Variants in INTS1 observed in about 807,000 individuals in gnomAD.
INTS1 encodes the protein integrator complex subunit 1.
A neutral mutation model predicts 241.6 loss-of-function variants in INTS1; 137 were observed. The ratio of observed to expected loss-of-function variants is 0.57; its 90% confidence interval spans 0.49 to 0.65. The LOEUF (loss-of-function observed/expected upper bound fraction) is 0.65. INTS1 is among the 30% of genes least tolerant of loss of function. The pLI is 0.00. For synonymous variants in INTS1, 1,692 were observed against 1,337.8 expected (o/e 1.26, Z -5.78); for missense variants, 3,073 against 3,032.2 (o/e 1.01, Z -0.32).
intron 23 of INTS1, 23 bp from the exon 24 acceptor site, chr7:1,485,225 C>G: frequency 6.3e-7 from 1 of 1,598,488 alleles, no homozygotes; most frequent in South Asian, 1.1e-5. Flanking sequence ...GTGGTCTGAG[C>G]GGCAACAGGG....
In INTS1 at chr7:1,497,235, A is replaced by T; in HGVS notation, c.1505T>A (p.Ile502Asn). Reference sequence around the variant, plus strand: ...GATCTCGTGCTTGGTCTGCTTGATGATCTCCCGCAGCAGGGCCCGCGAGGC... The same window carrying T: ...GATCTCGTGCTTGGTCTGCTTGATGTTCTCCCGCAGCAGGGCCCGCGAGGC... ...LRASRALLRE[I>N]IKQTKHEINF... Residue 502 changes from isoleucine to asparagine, a missense_variant, in exon 11 of 48, where the codon ATC becomes AAC. By Grantham distance (149) the Ile-to-Asn change is moderately radical (BLOSUM62 -3). Transcript: ENST00000404767. The surrounding 1 kb of genome is among the most constrained non-coding windows in gnomAD (Gnocchi z 5.3). The T allele has an allele frequency of 6.2e-7, 1 of 1,613,014 alleles. No individual in the cohort carries two copies. The highest frequency in any genetic ancestry group is 8.5e-7 in the Non-Finnish European group (1 of 1,179,702).
intron 2 of INTS1, among the ~76,000 whole-genome samples, chr7:1,503,496 G>A (rs1407963760): frequency 6.6e-6 from 1 of 152,202 alleles, no homozygotes; most frequent in Admixed American, 6.5e-5. Context: ...TTACAAGAGA[G>A]AAAGGGACAC....
At chr7:1,502,568 G>C (rs1783241636) in intron 3 of INTS1, among the ~76,000 whole-genome samples, 1 of 152,188 alleles carries the variant, frequency 6.6e-6, no homozygotes. Context: ...CTTGAGAACA[G>C]ACACCTGGGG....
chr7:1,502,751 A>G (rs1783252409), intron 3 of INTS1, 150 bp downstream of exon 3: 2 of 839,340 alleles, frequency 2.4e-6, no homozygotes, highest in African/African-American at 3.4e-5. Context: ...CTACGTGAGA[A>G]GCACTTCCAA....
intron 12 of INTS1, 75 bp downstream of exon 12, chr7:1,496,081 C>G: frequency 8.3e-7 from 1 of 1,198,462 alleles, no homozygotes; most frequent in Non-Finnish European, 1.2e-6. Flanking sequence ...ACAGTGCAGC[C>G]TCGGAGAGCC....
In INTS1 at chr7:1,477,717, C is replaced by A. The variant is rs760738412; in HGVS notation, c.4814+36G>T. The A allele has an allele frequency of 2.5e-6, 4 of 1,606,868 alleles. No individual in the cohort carries two copies. In the South Asian group the frequency reaches 4.4e-5, roughly 18 times the overall value. On this transcript the variant is annotated intron_variant, in intron 34 of 47. Coordinates refer to ENST00000404767, the MANE Select transcript of INTS1 (RefSeq NM_001080453.3). ...TCAGGGAAGGGCTGGTGCCACCCGCCTGCCCACCCTGGCCGTGTGCAGCAC... is the reference window on the plus strand; with the variant it reads ...TCAGGGAAGGGCTGGTGCCACCCGCATGCCCACCCTGGCCGTGTGCAGCAC...
Position 1,480,475 on chromosome 7 carries a change from A to G in INTS1, c.3950-34T>C, listed in dbSNP as rs563903037. On this transcript the variant is annotated intron_variant, in intron 29 of 47. Coordinates refer to ENST00000404767, the MANE Select transcript of INTS1 (RefSeq NM_001080453.3). ...ACAGGAGAACTGTCAGTGGCTGGAC[A>G]CTTTCTGACCTGCTTCCAGCGGTGG... 97 of 1,603,880 alleles carry G rather than the reference A, an allele frequency of 6.0e-5. 3 individuals carry two copies. The Middle Eastern group carries it at 1.0e-3, about 17-fold the overall frequency.
chr7:1,476,919 C>T lies in INTS1; in HGVS notation c.4939-1G>A. On this transcript the variant is annotated splice_acceptor_variant, in intron 35 of 47. Transcript: ENST00000404767. LOFTEE classifies it high-confidence loss of function. ...AGGGCACCTGGGCCTGACCTTTGCC[C>T]TGGGGAGGGAGGAAGAAGCCCGGAT... 6.2e-7 allele frequency: 1 copy of T among 1,609,680 alleles called. No homozygotes were observed. Among genetic ancestry groups the T allele is most frequent in the Non-Finnish European group, 8.5e-7 (1 of 1,179,122 alleles).
In INTS1 at chr7:1,481,573, G is replaced by A. The variant is rs989848950; in HGVS notation, c.3704-85C>T. ...CCACCCGAGACCTGGGGCTGCCTGT[G>A]TGCAGTGACCCCACCCACCTGAGAC... On this transcript the variant is annotated intron_variant, in intron 27 of 47. Transcript: ENST00000404767. This position sits in a 1 kb window ranked among gnomAD's most constrained non-coding sequence, Gnocchi z 6.8. The A allele has an allele frequency of 2.8e-6, 4 of 1,428,748 alleles. No individual in the cohort carries two copies. Among genetic ancestry groups the A allele is most frequent in the East Asian group, 2.5e-5 (1 of 40,712 alleles). The allele number at this position is 1,428,748 out of a possible 1,614,324, so 88.5% of individuals were successfully genotyped here.
chr7:1,491,801 G>C (rs1782561119), intron 16 of INTS1, among the ~76,000 whole-genome samples: 1 of 152,236 alleles, frequency 6.6e-6, no homozygotes, highest in African/African-American at 2.4e-5. Flanking sequence ...AGGAGGCCAA[G>C]GCGGGAGGAC....
rs1411675707 is a variant in INTS1 at position 1,497,822 on chromosome 7, G to A, written c.1426-508C>T. The stretch of plus-strand genomic sequence containing the variant: ...GCCTAATGCGCTGGTGGCGATGGGA[G>A]CATCTCCCGAGCCCGCTTCAAAGGA... On this transcript the variant is annotated intron_variant, in intron 10 of 47. Transcript: ENST00000404767. This position sits in a 1 kb window ranked among gnomAD's most constrained non-coding sequence, Gnocchi z 5.3. Among the ~76,000 whole-genome samples, 1 of 152,238 alleles carries A rather than the reference G, an allele frequency of 6.6e-6. No homozygotes were observed. Among genetic ancestry groups the A allele is most frequent in the Non-Finnish European group, 1.5e-5 (1 of 68,046 alleles).
Position 1,503,962 on chromosome 7 carries a change from C to G in INTS1, c.-2G>C, listed in dbSNP as rs1161555360. The G allele has an allele frequency of 1.3e-6, 2 of 1,553,668 alleles. No individual in the cohort carries two copies. Among genetic ancestry groups the G allele is most frequent in the Non-Finnish European group, 8.7e-7 (1 of 1,150,332 alleles). On this transcript the variant is annotated 5_prime_UTR_variant, in exon 2 of 48. Transcript: ENST00000404767. ...CGTGGTGGGCTTGGCCCGGTTCATC[C>G]TGCCCCGTCCCTCGCGGCTCCCGGC... is the stretch of plus-strand genomic sequence containing the variant.
chr7:1,491,325 C>T (rs1782537942), intron 16 of INTS1, among the ~76,000 whole-genome samples: 1 of 152,176 alleles, frequency 6.6e-6, no homozygotes, highest in South Asian at 2.1e-4. Context: ...CGACACGAAG[C>T]CAAGAGAACC....
intron 14 of INTS1, 126 bp downstream of exon 14, chr7:1,494,690 A>G: frequency 1.2e-6 from 1 of 868,758 alleles, no homozygotes; most frequent in Non-Finnish European, 1.8e-6. Flanking sequence ...GAGGAGGAGC[A>G]GGATGGTGCT....
intron 9 of INTS1, 58 bp downstream of exon 9, chr7:1,498,649 C>T (rs1397207190): frequency 1.3e-6 from 2 of 1,527,202 alleles, no homozygotes; most frequent in African/African-American, 2.8e-5. Context: ...TCCGCCCACA[C>T]CCCCACCCAC....
intron 30 of INTS1, among the ~76,000 whole-genome samples, chr7:1,480,002 G>A (rs1466146298): frequency 3.3e-5 from 5 of 152,238 alleles, no homozygotes. Flanking sequence ...CCTCAGGCGA[G>A]ACCTGCAACC....
chr7:1,492,883 A>T, intron 16 of INTS1, 127 bp downstream of exon 16: 1 of 523,430 alleles, frequency 1.9e-6, no homozygotes, highest in Non-Finnish European at 3.2e-6. Context: ...CCCGGGCGGG[A>T]GTGGGGAGCG....
At chr7:1,503,759 C>T in intron 2 of INTS1, 144 bp downstream of exon 2, 1 of 627,122 alleles carries the variant, frequency 1.6e-6, no homozygotes, top group Non-Finnish European at 2.8e-6. Flanking sequence ...GGACCGAGAG[C>T]AGTGTTTCCA....
At chr7:1,496,657 C>T (rs1240293802) in intron 11 of INTS1, among the ~76,000 whole-genome samples, 1 of 152,176 alleles carries the variant, frequency 6.6e-6, no homozygotes, top group Non-Finnish European at 1.5e-5. Context: ...AGTCTGGCCA[C>T]AGGAGGGAGG....
Sources: allele counts gnomAD v4.1 joint callset (sites outside exome capture counted in the v4.1 genomes callset), GRCh38; gene constraint gnomAD v4.1.1; non-coding constraint Gnocchi (gnomAD v3.1); transcripts MANE v1.5; gene names NCBI Gene and HGNC (gene_info 2026-07-23, HGNC 2026-07-21).